The following FAM120B variants were observed in gnomAD, a reference collection of about 807,000 sequenced individuals.
The protein encoded by FAM120B is constitutive coactivator of peroxisome proliferator-activated receptor gamma.
Under a neutral mutation model 96.3 loss-of-function variants are expected in FAM120B, and 83 were observed. The observed-to-expected ratio is 0.86, with a 90% CI of 0.72 to 1.03. FAM120B has a LOEUF of 1.03. Ranked by LOEUF, FAM120B falls within the 50% of genes least tolerant of loss-of-function variation. The pLI, the probability that FAM120B is intolerant of heterozygous loss-of-function variation, is 0.00. For missense variants in FAM120B, 1,027 were observed against 1,121.2 expected, an observed-to-expected ratio of 0.92 and a Z score of 1.20; for synonymous variants, 407 against 402.7, an observed-to-expected ratio of 1.01 and a Z score of -0.13.
chr6:170,378,885 C>CTA (rs1789737780), intron 6 of FAM120B, among the ~76,000 whole-genome samples: 1 of 152,220 alleles, frequency 6.6e-6, no homozygotes, highest in South Asian at 2.1e-4. Flanking sequence ...AGAGAATTAA[C>CTA]TATTCAGCTT....
chr6:170,333,465 T>C (rs1786200264), intron 4 of FAM120B, among the ~76,000 whole-genome samples: 2 of 152,102 alleles, frequency 1.3e-5, no homozygotes, highest in South Asian at 4.1e-4. Flanking sequence ...AAGACACTGG[T>C]TTGTTTTATT....
intron 7 of FAM120B, among the ~76,000 whole-genome samples, chr6:170,389,565 C>CT (rs1233776353): frequency 4.6e-4 from 69 of 148,540 alleles, no homozygotes; most frequent in South Asian, 1.7e-3. Context: ...AATACACATA[C>CT]TTTTTTTTTT....
At position 170,351,349 on chromosome 6, in the gene FAM120B, C is replaced by T. The variant is rs148751214; in HGVS notation, c.2190+3026C>T. Among the ~76,000 whole-genome samples, 211 of 152,184 alleles carry T rather than the reference C, an allele frequency of 1.4e-3. 3 individuals are homozygous for T. Among genetic ancestry groups the T allele is most frequent in the Admixed American group, 0.01 (154 of 15,284 alleles). On this transcript the variant is annotated intron_variant, in intron 5 of 10. Transcript: ENST00000476287. Reference sequence around the variant, plus strand: ...GGGTACCTGAAAGAGATGGGGAGAACGGAACCAAGTTGGAAAACATACTTT... The same window carrying T: ...GGGTACCTGAAAGAGATGGGGAGAATGGAACCAAGTTGGAAAACATACTTT...
At chr6:170,331,792 C>G (rs1786058288) in intron 4 of FAM120B, among the ~76,000 whole-genome samples, 1 of 152,146 alleles carries the variant, frequency 6.6e-6, no homozygotes, top group Non-Finnish European at 1.5e-5. Flanking sequence ...ATTAGAGAGA[C>G]TACTTCAGAG....
In FAM120B at chr6:170,359,237, C is replaced by A. The variant is rs574413834; in HGVS notation, c.2283+919C>A. 8.5e-5 allele frequency among the ~76,000 whole-genome samples: 13 copies of A among 152,180 alleles called. No homozygotes were observed. The East Asian group carries it at 2.5e-3, about 29-fold the overall frequency. On this transcript the variant is annotated intron_variant, in intron 6 of 10. Coordinates refer to ENST00000476287, the MANE Select transcript of FAM120B (RefSeq NM_032448.3). ...CCAACATGGTGAACCCTCATCTCTA[C>A]TAAAAATACAAAAATTAGCCAGGTG... is the stretch of plus-strand genomic sequence containing the variant.
chr6:170,361,208 A>ACG (rs1216103352), intron 6 of FAM120B, among the ~76,000 whole-genome samples: 80 of 79,128 alleles, frequency 1.0e-3, no homozygotes, highest in African/African-American at 2.6e-3. Flanking sequence ...GTATATATAT[A>ACG]TATATATATA....
chr6:170,305,231 A>G (rs17860730), upstream of FAM120B, among the ~76,000 whole-genome samples: 17,468 of 152,242 alleles, frequency 0.11, 1,337 homozygotes, highest in East Asian at 0.31. Context: ...CTTGTTGCCT[A>G]GTATTTAAAG....
chr6:170,324,575 A>C (rs561980938), intron 3 of FAM120B, among the ~76,000 whole-genome samples: 9 of 152,312 alleles, frequency 5.9e-5, no homozygotes, highest in Admixed American at 5.9e-4. Context: ...ATAATATTGG[A>C]ATTATTTTCA....
In FAM120B at chr6:170,358,239, G is replaced by C; in HGVS notation, c.2204G>C (p.Cys735Ser). The C allele has an allele frequency of 6.2e-7, 1 of 1,603,772 alleles. No individual in the cohort carries two copies. The highest frequency in any genetic ancestry group is 8.5e-7 in the Non-Finnish European group (1 of 1,172,964). Reference sequence around the variant, plus strand: ...TGTCCTTTTCAGGTGGACACGCTTTGCCTGGAGGATTTGCATGCGTTTATT... The same window carrying C: ...TGTCCTTTTCAGGTGGACACGCTTTCCCTGGAGGATTTGCATGCGTTTATT... ...IYLFVQVDTL[C>S]LEDLHAFIAQ... Residue 735 changes from cysteine to serine, a missense_variant, in exon 6 of 11, where the codon TGC becomes TCC. Transcript: ENST00000476287.
rs780201901 is a variant in FAM120B at position 170,323,194 on chromosome 6, G to T, written c.1850G>T (p.Ser617Ile). ...LEDELDQALP[S>I]QAFIYRPIRQ... ...GATGAGCTTGACCAGGCCTTACCCA[G>T]CCAGGCCTTCATTTACCGTCCCATT... The change falls in exon 3 of 11, where the codon AGC becomes ATC. Residue 617 changes from serine to isoleucine, a missense_variant. Ser to Ile is a moderately radical substitution (Grantham distance 142). This residue lies in a region of FAM120B where 880 missense variants were observed against 980.9 expected (regional missense o/e 0.90). Coordinates refer to ENST00000476287, the MANE Select transcript of FAM120B (RefSeq NM_032448.3). 3 of 1,613,998 alleles carry T rather than the reference G, an allele frequency of 1.9e-6. No individual in the cohort carries two copies.
At chr6:170,322,992 A>T in intron 2 of FAM120B, 87 bp from the exon 3 acceptor site, 1 of 1,134,636 alleles carries the variant, frequency 8.8e-7, no homozygotes, top group Admixed American at 2.8e-5. Flanking sequence ...AAAAACTGGC[A>T]TATGATGAAA....
chr6:170,389,839 G>T (rs1790389892), intron 7 of FAM120B, among the ~76,000 whole-genome samples: 1 of 152,120 alleles, frequency 6.6e-6, no homozygotes, highest in Non-Finnish European at 1.5e-5. Flanking sequence ...GGGATTACAG[G>T]TGTGAGCCAC....
rs1435987766 is a variant in FAM120B at position 170,358,428 on chromosome 6, A to G, written c.2283+110A>G. 4 of 809,096 alleles carry G rather than the reference A, an allele frequency of 4.9e-6. No homozygotes were observed. In the African/African-American group the frequency reaches 6.9e-5, roughly 14 times the overall value. The allele number at this position is 809,096 out of a possible 1,614,324, so 50.1% of individuals were successfully genotyped here. A position where few individuals can be genotyped will look rare whatever the true frequency, so the allele number is the denominator to read the frequency against. ...ACAGAAAAGATCAGGAAGGTATTTT[A>G]GTCAGGATCTTTTCGTGATGCAGTA... is the stretch of plus-strand genomic sequence containing the variant. On this transcript the variant is annotated intron_variant, in intron 6 of 10. Transcript: ENST00000476287.
At chr6:170,388,036 G>T (rs1053769318) in intron 6 of FAM120B, among the ~76,000 whole-genome samples, 1 of 152,134 alleles carries the variant, frequency 6.6e-6, no homozygotes, top group African/African-American at 2.4e-5. Flanking sequence ...AGGTTTGAAT[G>T]GATGGGTGGA....
chr6:170,320,149 A>G (rs1308765964), intron 2 of FAM120B, among the ~76,000 whole-genome samples: 11 of 152,134 alleles, frequency 7.2e-5, no homozygotes, highest in Non-Finnish European at 1.0e-4. Context: ...TTAACCACAC[A>G]CCTTTCCTTG....
chr6:170,361,211 TATATATATATATATATATATATATAC>T (rs1202752379), intron 6 of FAM120B, among the ~76,000 whole-genome samples: 24 of 93,142 alleles, frequency 2.6e-4, no homozygotes, highest in Middle Eastern at 9.2e-3. Context: ...TATATATATA[TATATATATATATATATATATATATAC>T]ACGTATATAT....
At chr6:170,380,858 G>T (rs1250325331) in intron 6 of FAM120B, among the ~76,000 whole-genome samples, 2 of 152,136 alleles carry the variant, frequency 1.3e-5, no homozygotes, top group East Asian at 1.9e-4. Flanking sequence ...ATGTGAGGTA[G>T]TCCCACTTGT....
intron 1 of FAM120B, chr6:170,297,751 C>CA (rs1784049777): frequency 6.6e-6 from 1 of 152,204 alleles, no homozygotes; most frequent in Non-Finnish European, 1.5e-5. Flanking sequence ...GGAAAATAAA[C>CA]ACAAAGTGCG....
At chr6:170,291,518 C>T (rs1338633051), upstream of FAM120B, among the ~76,000 whole-genome samples, 1 of 151,924 alleles carries the variant, frequency 6.6e-6, no homozygotes, top group Non-Finnish European at 1.5e-5. Flanking sequence ...AAGGAGGAGT[C>T]TCTTGGGGGC....
Sources: gnomAD v4.1 joint callset for allele counts (sites outside exome capture counted in the v4.1 genomes callset) on GRCh38, gnomAD v4.1.1 for gene constraint, gnomAD v4.1.1 regional missense constraint, MANE v1.5 for transcripts, NCBI Gene and HGNC (gene_info 2026-07-23, HGNC 2026-07-21) for gene names.